Variants in GATAD2A observed in about 807,000 individuals in gnomAD.
GATAD2A encodes GATA zinc finger domain containing 2A.
In GATAD2A, 12 loss-of-function variants were observed where a neutral mutation model predicts 68.5. The observed-to-expected ratio is 0.18, with a 90% confidence interval of 0.11 to 0.28. The LOEUF (loss-of-function observed/expected upper bound fraction) is 0.28, where lower values mean the gene tolerates loss of function less well. Among genes scored for constraint, GATAD2A ranks in the 10% least tolerant of loss-of-function variants. GATAD2A has a pLI of 1.00. For missense variants in GATAD2A, 755 were observed against 868.5 expected, an observed-to-expected ratio of 0.87 and a Z score of 1.64; for synonymous variants, 410 against 375.3, an observed-to-expected ratio of 1.09 and a Z score of -1.07.
Position 19,492,841 on chromosome 19 carries a change from C to A in GATAD2A, c.534+129C>A, listed in dbSNP as rs2059894304. The A allele has an allele frequency of 3.6e-6, 3 of 824,256 alleles. No homozygotes were observed. The East Asian group carries it at 8.0e-5, about 22-fold the overall frequency. The allele number at this position is 824,256 out of a possible 1,614,324, so 51.1% of individuals were successfully genotyped here. ...AGGGAGTATAGGGCAAGGTCCCACT[C>A]CCGCATTTGTGGACTCCAGTGTGCA... On this transcript the variant is annotated intron_variant, in intron 4 of 11. Coordinates refer to ENST00000683918, the MANE Select transcript of GATAD2A (RefSeq NM_001384528.1).
intron 1 of GATAD2A, among the ~76,000 whole-genome samples, chr19:19,439,798 A>G (rs1404613430): frequency 1.3e-5 from 2 of 152,176 alleles, no homozygotes; most frequent in Non-Finnish European, 2.9e-5. Flanking sequence ...CAGTGAGCCA[A>G]GATCACGCCA....
intron 1 of GATAD2A, among the ~76,000 whole-genome samples, chr19:19,441,321 T>G (rs905205699): frequency 1.6e-4 from 25 of 152,210 alleles, no homozygotes; most frequent in African/African-American, 6.0e-4. Context: ...AAGTAAGTAA[T>G]GTCATTAAGA....
At chr19:19,416,729 G>A (rs771232415) in intron 1 of GATAD2A, among the ~76,000 whole-genome samples, 1 of 151,916 alleles carries the variant, frequency 6.6e-6, no homozygotes, top group Non-Finnish European at 1.5e-5. Context: ...AGTCTTCTGA[G>A]TTTGTAAACT....
rs2092950370 is a variant in GATAD2A at position 19,453,977 on chromosome 19, TTTTTTTTTTGTTTA to T, written c.-6-11356_-6-11343del. On this transcript the variant is annotated intron_variant, in intron 1 of 11. Transcript: ENST00000683918. ...ACACCTGGCCAAATTTTTTGTGTTT[TTTTTTTTTTGTTTA>T]TTTTTTGTTTTTGTTTTGCTTTTGA... 2.7e-5 allele frequency among the ~76,000 whole-genome samples: 4 copies of T among 148,748 alleles called. No homozygotes were observed. In the South Asian group the frequency reaches 8.5e-4, roughly 32 times the overall value.
At chr19:19,420,620 G>A (rs1035497736) in intron 1 of GATAD2A, among the ~76,000 whole-genome samples, 2 of 151,858 alleles carry the variant, frequency 1.3e-5, no homozygotes, top group African/African-American at 2.4e-5. Context: ...GATTACAGGT[G>A]TGAGCCACCG....
chr19:19,453,831 T>G (rs2056645584), intron 1 of GATAD2A, among the ~76,000 whole-genome samples: 1 of 148,308 alleles, frequency 6.7e-6, no homozygotes, highest in Non-Finnish European at 1.5e-5. Flanking sequence ...ACCTGGCTAA[T>G]TTTTGTATTT....
intron 1 of GATAD2A, among the ~76,000 whole-genome samples, chr19:19,446,286 G>GAGAC (rs1249993505): frequency 6.6e-6 from 1 of 152,116 alleles, no homozygotes; most frequent in Non-Finnish European, 1.5e-5. Context: ...TAATGACACT[G>GAGAC]AGACAGAGTC....
At chr19:19,494,424 A>G in intron 5 of GATAD2A, 41 bp downstream of exon 5, 1 of 1,262,500 alleles carries the variant, frequency 7.9e-7, no homozygotes, top group Non-Finnish European at 1.2e-6. Flanking sequence ...CCCTGCTGGC[A>G]CTGCTGCTGT....
chr19:19,502,653 G>A (rs868211883), intron 11 of GATAD2A, 127 bp downstream of exon 11: 4 of 711,390 alleles, frequency 5.6e-6, no homozygotes, highest in Non-Finnish European at 9.3e-6. Context: ...CAGCCTCCTC[G>A]GACTCTGGCT....
At chr19:19,403,311 A>G (rs770593776), upstream of GATAD2A, among the ~76,000 whole-genome samples, 9 of 152,094 alleles carry the variant, frequency 5.9e-5, no homozygotes, top group Non-Finnish European at 4.4e-5. Flanking sequence ...ACCTGAGCCT[A>G]TGGGACCCCA....
At chr19:19,418,500 G>A (rs2051931155) in intron 1 of GATAD2A, among the ~76,000 whole-genome samples, 1 of 152,236 alleles carries the variant, frequency 6.6e-6, no homozygotes. Context: ...GACTTAGCCT[G>A]AGAAAGATCT....
At chr19:19,394,977 G>C (rs536414274) in intron 1 of GATAD2A, among the ~76,000 whole-genome samples, 1 of 152,230 alleles carries the variant, frequency 6.6e-6, no homozygotes, top group South Asian at 2.1e-4. Context: ...CCCAAGTTCT[G>C]ACTCTGGAGG....
intron 1 of GATAD2A, among the ~76,000 whole-genome samples, chr19:19,433,178 C>G (rs1409386071): frequency 6.6e-6 from 1 of 152,214 alleles, no homozygotes; most frequent in Non-Finnish European, 1.5e-5. Flanking sequence ...ATTTGACTTT[C>G]CTCCACCACC....
rs2058511957 is a variant in GATAD2A, at chr19:19,474,179, C to T, written c.269+8565C>T. The T allele has an allele frequency of 1.0e-5, 10 of 984,006 alleles. No individual in the cohort carries two copies. In the South Asian group the frequency reaches 4.2e-4, roughly 42 times the overall value. 61.0% of individuals were successfully genotyped at this position (984,006 alleles called of 1,614,324 possible). ...GGATCACGGATAGAGTGAGTCCTTC[C>T]TGTTTGGACAGATGCTTTTTACAGG... On this transcript the variant is annotated intron_variant, in intron 2 of 11. Transcript: ENST00000683918.
chr19:19,410,339 T>TGGGGGGGGG (rs2050771476), intron 1 of GATAD2A, among the ~76,000 whole-genome samples: 1 of 21,982 alleles, frequency 4.5e-5, no homozygotes, highest in Non-Finnish European at 9.3e-5. Context: ...GGGCAGGGGG[T>TGGGGGGGGG]GGGGGATGGG....
At chr19:19,449,239 T>G (rs2147790022) in intron 1 of GATAD2A, among the ~76,000 whole-genome samples, 2 of 152,276 alleles carry the variant, frequency 1.3e-5, no homozygotes, top group Admixed American at 1.3e-4. Flanking sequence ...GGATCAGTGA[T>G]CTATTTTCTA....
chr19:19,426,794 G>T (rs1343284256), intron 1 of GATAD2A, among the ~76,000 whole-genome samples: 2 of 152,216 alleles, frequency 1.3e-5, no homozygotes. Flanking sequence ...GATTACAGGC[G>T]TGAGCCACTG....
chr19:19,416,277 A>G (rs1392274667), intron 1 of GATAD2A, among the ~76,000 whole-genome samples: 3 of 152,042 alleles, frequency 2.0e-5, no homozygotes, highest in Non-Finnish European at 4.4e-5. Context: ...GGCAAGAGCG[A>G]GGGCCTTAAC....
intron 1 of GATAD2A, among the ~76,000 whole-genome samples, chr19:19,422,043 G>A (rs532467799): frequency 4.6e-5 from 7 of 152,184 alleles, no homozygotes; most frequent in Admixed American, 1.3e-4. Flanking sequence ...GGCTGATTTC[G>A]AACTCCTAAC....
Sources: allele counts gnomAD v4.1 joint callset (sites outside exome capture counted in the v4.1 genomes callset), GRCh38; gene constraint gnomAD v4.1.1; transcripts MANE v1.5; gene names NCBI Gene and HGNC (gene_info 2026-07-23, HGNC 2026-07-21).